Variants in RGS17 observed in about 807,000 individuals in gnomAD.
The protein encoded by RGS17 is regulator of G protein signaling 17, also known as regulator of G-protein signaling 17.
A neutral mutation model predicts 25.5 loss-of-function variants in RGS17; 12 were observed. The observed-to-expected ratio is 0.47, with a 90% CI of 0.30 to 0.76. RGS17 has a LOEUF of 0.76. RGS17 is among the 30% of genes least tolerant of loss of function. The probability of loss-of-function intolerance (pLI) is 0.07; values close to 1 mark genes in which losing one functional copy is unlikely to be tolerated. For missense variants in RGS17, 196 were observed against 242.2 expected (o/e 0.81, Z 1.27); for synonymous variants, 71 against 76.9 (o/e 0.92, Z 0.40).
chr6:153,083,457 C>T (rs986904183), intron 1 of RGS17, among the ~76,000 whole-genome samples: 3 of 151,972 alleles, frequency 2.0e-5, no homozygotes, highest in African/African-American at 7.3e-5. Flanking sequence ...TTTCTAATTT[C>T]TTTTTAATTT....
At chr6:153,072,876 C>T (rs1003090503) in intron 1 of RGS17, among the ~76,000 whole-genome samples, 1 of 152,172 alleles carries the variant, frequency 6.6e-6, no homozygotes, top group Non-Finnish European at 1.5e-5. Flanking sequence ...GTTTATCACA[C>T]ACATAAACTT....
chr6:153,036,982 T>C (rs1320526839), intron 2 of RGS17, among the ~76,000 whole-genome samples: 1 of 152,174 alleles, frequency 6.6e-6, no homozygotes, highest in Non-Finnish European at 1.5e-5. Flanking sequence ...CTTCAATTGC[T>C]TCCCATCTCT....
chr6:153,026,609 T>A, intron 2 of RGS17, 66 bp from the exon 3 acceptor site: 1 of 1,240,890 alleles, frequency 8.1e-7, no homozygotes. Flanking sequence ...AAGAATAAAT[T>A]TTTCTGGGGA....
intron 1 of RGS17, among the ~76,000 whole-genome samples, chr6:153,106,901 T>G (rs1253396066): frequency 6.6e-6 from 1 of 151,308 alleles, no homozygotes; most frequent in African/African-American, 2.4e-5. Flanking sequence ...CCCAAAGTAC[T>G]GGGATTATAG....
intron 4 of RGS17, among the ~76,000 whole-genome samples, chr6:153,012,813 T>G (rs1181828235): frequency 1.3e-5 from 2 of 152,234 alleles, no homozygotes; most frequent in African/African-American, 4.8e-5. Context: ...TGCAAATGCC[T>G]TTTAGTTCTG....
intron 2 of RGS17, among the ~76,000 whole-genome samples, chr6:153,026,794 C>T (rs1251303914): frequency 6.6e-6 from 1 of 152,050 alleles, no homozygotes; most frequent in African/African-American, 2.4e-5. Context: ...ATTCTGACTT[C>T]ATCCTTACAT....
intron 1 of RGS17, among the ~76,000 whole-genome samples, chr6:153,107,575 A>G (rs1478698119): frequency 6.6e-6 from 1 of 152,142 alleles, no homozygotes; most frequent in Non-Finnish European, 1.5e-5. Flanking sequence ...TCAACTTCTT[A>G]AAGCCTATAT....
intron 1 of RGS17, among the ~76,000 whole-genome samples, chr6:153,099,829 A>C (rs1777271851): frequency 6.6e-6 from 1 of 152,196 alleles, no homozygotes; most frequent in Non-Finnish European, 1.5e-5. Context: ...ATTAAATAAG[A>C]AAATATGTAT....
intron 1 of RGS17, among the ~76,000 whole-genome samples, chr6:153,078,944 A>G (rs1409667185): frequency 6.7e-6 from 1 of 150,082 alleles, no homozygotes; most frequent in African/African-American, 2.4e-5. Context: ...GAAAAAAAAA[A>G]TCCTCAGGAT....
intron 1 of RGS17, among the ~76,000 whole-genome samples, chr6:153,107,824 A>T (rs575280838): frequency 6.6e-6 from 1 of 152,228 alleles, no homozygotes; most frequent in Non-Finnish European, 1.5e-5. Context: ...CCTGGAATAC[A>T]TTCAGATTCT....
At chr6:153,014,312 G>C (rs560290715) in intron 4 of RGS17, among the ~76,000 whole-genome samples, 3 of 152,052 alleles carry the variant, frequency 2.0e-5, no homozygotes, top group South Asian at 4.2e-4. Flanking sequence ...GCCCACTGTC[G>C]AGCCCTACTG....
At chr6:153,051,664 G>A (rs990519349) in intron 1 of RGS17, among the ~76,000 whole-genome samples, 3 of 152,144 alleles carry the variant, frequency 2.0e-5, no homozygotes, top group Non-Finnish European at 2.9e-5. Context: ...CTGAAGGCAC[G>A]GCTTTGTTCC....
At position 153,006,591 on chromosome 6, in the gene RGS17, T is replaced by C. The variant is rs1447456218; in HGVS notation, c.*4983A>G. The C allele has an allele frequency of 1.3e-5, 2 of 152,624 alleles. No homozygotes were observed. The highest frequency in any genetic ancestry group is 4.8e-5 in the African/African-American group (2 of 41,468). The allele number at this position is 152,624 out of a possible 1,614,324, so 9.5% of individuals were successfully genotyped here. On this transcript the variant is annotated 3_prime_UTR_variant, in exon 5 of 5. Transcript: ENST00000206262. ...AAACATGATTGTATGTTTTGATGAG[T>C]AGCTAAATCAGATGTTTAACGTATG... is the stretch of plus-strand genomic sequence containing the variant.
At chr6:153,101,299 A>T (rs890487670) in intron 1 of RGS17, among the ~76,000 whole-genome samples, 25 of 152,158 alleles carry the variant, frequency 1.6e-4, no homozygotes, top group African/African-American at 6.0e-4. Flanking sequence ...TATTCACAGG[A>T]TGCAAAACTG....
chr6:153,077,616 A>G (rs2129118539), intron 1 of RGS17, among the ~76,000 whole-genome samples: 1 of 152,336 alleles, frequency 6.6e-6, no homozygotes, highest in African/African-American at 2.4e-5. Flanking sequence ...ATTATCATTG[A>G]CAACAAAACT....
intron 1 of RGS17, among the ~76,000 whole-genome samples, chr6:153,106,457 T>C (rs1162259342): frequency 2.0e-5 from 3 of 149,452 alleles, no homozygotes; most frequent in Non-Finnish European, 3.0e-5. Context: ...CAGGAGAGGG[T>C]AGAAGAAAAG....
At chr6:153,019,605 C>T (rs1011014888) in intron 4 of RGS17, among the ~76,000 whole-genome samples, 6 of 151,980 alleles carry the variant, frequency 3.9e-5, no homozygotes, top group Non-Finnish European at 5.9e-5. Flanking sequence ...TGAATTCTTG[C>T]GAGATCTGGT....
chr6:153,127,252 G>A (rs1454096219), intron 1 of RGS17, among the ~76,000 whole-genome samples: 1 of 152,140 alleles, frequency 6.6e-6, no homozygotes, highest in Non-Finnish European at 1.5e-5. Context: ...CAAGTCATGG[G>A]CTGGTACCCG....
At chr6:153,090,619 C>CT (rs1036954237) in intron 1 of RGS17, among the ~76,000 whole-genome samples, 7 of 151,684 alleles carry the variant, frequency 4.6e-5, no homozygotes, top group Non-Finnish European at 1.0e-4. Context: ...GAAATGAGGC[C>CT]TTGTCACAAA....
Sources: allele counts gnomAD v4.1 joint callset (sites outside exome capture counted in the v4.1 genomes callset), GRCh38; gene constraint gnomAD v4.1.1; transcripts MANE v1.5; gene names NCBI Gene and HGNC (gene_info 2026-07-23, HGNC 2026-07-21).